ADAMTS18: variants seen among roughly 807,000 people sequenced by gnomAD.
ADAMTS18 encodes the protein ADAM metallopeptidase with thrombospondin type 1 motif 18, also known as A disintegrin and metalloproteinase with thrombospondin motifs 18.
A neutral mutation model predicts 165.9 loss-of-function variants in ADAMTS18; 157 were observed. That is an observed-to-expected ratio of 0.95 (90% confidence interval 0.83 to 1.08). The LOEUF is 1.08. ADAMTS18 is among the 50% of genes least tolerant of loss of function. The pLI is 0.00. For synonymous variants in ADAMTS18, 782 were observed against 578.2 expected (o/e 1.35, Z -5.06); for missense variants, 2,040 against 1,534.0 (o/e 1.33, Z -5.51).
intron 3 of ADAMTS18, among the ~76,000 whole-genome samples, chr16:77,384,208 C>T (rs1025945586): frequency 6.6e-6 from 1 of 152,268 alleles, no homozygotes; most frequent in Non-Finnish European, 1.5e-5. Flanking sequence ...AAGACTTCAA[C>T]GTCTACATTT....
intron 10 of ADAMTS18, among the ~76,000 whole-genome samples, chr16:77,345,446 C>G (rs2144695991): frequency 6.6e-6 from 1 of 152,272 alleles, no homozygotes; most frequent in South Asian, 2.1e-4. Flanking sequence ...GCTTTGCCTT[C>G]AAAATATTTC....
intron 2 of ADAMTS18, 44 bp from the exon 3 acceptor site, chr16:77,431,655 T>C: frequency 6.3e-7 from 1 of 1,598,120 alleles, no homozygotes; most frequent in Non-Finnish European, 8.6e-7. Flanking sequence ...GAGCCCACAA[T>C]TCCAAATGGT....
At chr16:77,411,237 G>A (rs2057458555) in intron 3 of ADAMTS18, among the ~76,000 whole-genome samples, 1 of 152,106 alleles carries the variant, frequency 6.6e-6, no homozygotes, top group African/African-American at 2.4e-5. Flanking sequence ...ATAGCCACAT[G>A]GCTGGCTCCC....
chr16:77,336,637 A>G (rs1316137355), intron 11 of ADAMTS18, among the ~76,000 whole-genome samples: 1 of 152,160 alleles, frequency 6.6e-6, no homozygotes, highest in African/African-American at 2.4e-5. Context: ...TTTGCCCATG[A>G]TCTGTACAAG....
intron 19 of ADAMTS18, 70 bp from the exon 20 acceptor site, chr16:77,293,328 AC>A: frequency 7.5e-7 from 1 of 1,331,826 alleles, no homozygotes; most frequent in Non-Finnish European, 1.1e-6. Context: ...AAAAAAAACA[AC>A]ACACTAAATA....
At chr16:77,411,113 A>G (rs953513780) in intron 3 of ADAMTS18, among the ~76,000 whole-genome samples, 3 of 152,162 alleles carry the variant, frequency 2.0e-5, no homozygotes, top group Non-Finnish European at 4.4e-5. Context: ...GCAATGATTT[A>G]TTGTGATGCT....
intron 3 of ADAMTS18, among the ~76,000 whole-genome samples, chr16:77,419,214 T>C (rs2144844715): frequency 6.6e-6 from 1 of 152,340 alleles, no homozygotes; most frequent in Middle Eastern, 3.4e-3. Context: ...ACAGTGTGAC[T>C]GTGTTCCCTG....
intron 2 of ADAMTS18, chr16:77,432,518 T>C (rs1280463451): frequency 6.6e-6 from 1 of 152,216 alleles, no homozygotes; most frequent in Non-Finnish European, 1.5e-5. Flanking sequence ...CACTGTTTTC[T>C]TTCACCAAAC....
At chr16:77,390,710 AAAG>A (rs902499410) in intron 3 of ADAMTS18, among the ~76,000 whole-genome samples, 18 of 152,000 alleles carry the variant, frequency 1.2e-4, no homozygotes, top group African/African-American at 4.1e-4. Context: ...AAAAAAAAAA[AAAG>A]AAGAATCACC....
chr16:77,400,679 C>T (rs1336872608), intron 3 of ADAMTS18, among the ~76,000 whole-genome samples: 2 of 151,638 alleles, frequency 1.3e-5, no homozygotes, highest in East Asian at 2.0e-4. Flanking sequence ...GACAGGGTTT[C>T]ACCGTGGTCT....
chr16:77,330,607 A>T (rs974515684), intron 12 of ADAMTS18, among the ~76,000 whole-genome samples: 42 of 152,198 alleles, frequency 2.8e-4, no homozygotes, highest in South Asian at 4.1e-4. Flanking sequence ...CCTGAGGCAT[A>T]GGAGGGCTCA....
chr16:77,359,799 G>C (rs2056686028), intron 7 of ADAMTS18, among the ~76,000 whole-genome samples: 1 of 152,164 alleles, frequency 6.6e-6, no homozygotes, highest in African/African-American at 2.4e-5. Context: ...CAAAACCAAT[G>C]CAAAATGCTC....
chr16:77,359,463 C>T lies in ADAMTS18; in HGVS notation c.1217-40G>A, dbSNP rs770971050. On this transcript the variant is annotated intron_variant, in intron 7 of 22. Transcript: ENST00000282849. ...GTTTCAAATGTGAATCCAAAGGTTG[C>T]ACACACAGATACATGATGATGATTT... The T allele has an allele frequency of 1.7e-5, 26 of 1,530,158 alleles. No individual in the cohort carries two copies. In the South Asian group the frequency reaches 2.8e-4, roughly 16 times the overall value. The allele number at this position is 1,530,158 out of a possible 1,614,324, so 94.8% of individuals were successfully genotyped here. A position where few individuals can be genotyped will look rare whatever the true frequency, so the allele number is the denominator to read the frequency against.
At chr16:77,371,004 T>C (rs1013782888) in intron 3 of ADAMTS18, among the ~76,000 whole-genome samples, 4 of 152,164 alleles carry the variant, frequency 2.6e-5, no homozygotes, top group Non-Finnish European at 5.9e-5. Flanking sequence ...TCCCAGCACT[T>C]TGGGATTTGA....
rs1424254452 is a variant in ADAMTS18, at chr16:77,283,674, G to C, written c.*282C>G. 1.0e-5 allele frequency: 4 copies of C among 398,768 alleles called. No individual in the cohort carries two copies. Among genetic ancestry groups the C allele is most frequent in the Non-Finnish European group, 1.9e-5 (4 of 214,006 alleles). The allele number at this position is 398,768 out of a possible 1,614,324, so 24.7% of individuals were successfully genotyped here. ...TCCCCAAATCGACGTATCTCAGTGT[G>C]ATTCACCACTTCTTGCATATAACAG... On this transcript the variant is annotated 3_prime_UTR_variant, in exon 23 of 23. Transcript: ENST00000282849.
chr16:77,405,291 T>C (rs914418138), intron 3 of ADAMTS18, among the ~76,000 whole-genome samples: 1 of 152,140 alleles, frequency 6.6e-6, no homozygotes, highest in South Asian at 2.1e-4. Flanking sequence ...AACAGCAGAA[T>C]CCTTTTCAAT....
At chr16:77,408,611 C>T (rs2057421565) in intron 3 of ADAMTS18, among the ~76,000 whole-genome samples, 1 of 152,108 alleles carries the variant, frequency 6.6e-6, no homozygotes, top group Non-Finnish European at 1.5e-5. Flanking sequence ...AATTAGAGCA[C>T]TCTATTGATT....
Position 77,283,935 on chromosome 16 carries a change from G to T in ADAMTS18, c.*21C>A, listed in dbSNP as rs2055197252. ...TGAAAGGTAAGCCCCTGGCCCTAAG[G>T]TGCTGGGGAGGACACCAAGATCAGA... is the stretch of plus-strand genomic sequence containing the variant. On this transcript the variant is annotated 3_prime_UTR_variant, in exon 23 of 23. Transcript: ENST00000282849. 3 of 1,588,888 alleles carry T rather than the reference G, an allele frequency of 1.9e-6. No homozygotes were observed. The highest frequency in any genetic ancestry group is 2.2e-5 in the East Asian group (1 of 44,668).
intron 3 of ADAMTS18, among the ~76,000 whole-genome samples, chr16:77,415,658 G>C (rs992920111): frequency 6.8e-6 from 1 of 147,890 alleles, no homozygotes; most frequent in African/African-American, 2.5e-5. Flanking sequence ...GGAAGAGGTG[G>C]GGAGGGTAGA....
Sources: gnomAD v4.1 joint callset for allele counts (sites outside exome capture counted in the v4.1 genomes callset) on GRCh38, gnomAD v4.1.1 for gene constraint, MANE v1.5 for transcripts, NCBI Gene and HGNC (gene_info 2026-07-23, HGNC 2026-07-21) for gene names.